The following FMO2 variants were observed in gnomAD, a reference collection of about 807,000 sequenced individuals.
FMO2 encodes flavin containing dimethylaniline monoxygenase 2, also known as flavin-containing monooxygenase 2.
Under a neutral mutation model 41.6 loss-of-function variants are expected in FMO2, and 33 were observed. That is an observed-to-expected ratio of 0.79 (90% CI 0.60 to 1.06). The LOEUF is 1.06. Among genes scored for constraint, FMO2 ranks in the 50% least tolerant of loss-of-function variants. The pLI, the probability that FMO2 is intolerant of heterozygous loss-of-function variation, is 0.00. For missense variants in FMO2, 619 were observed against 632.9 expected (o/e 0.98, Z 0.23); for synonymous variants, 214 against 219.6 (o/e 0.97, Z 0.23).
At position 171,188,030 on chromosome 1, in the gene FMO2, ATTTTTTT is replaced by A. The variant is rs67830022; in HGVS notation, c.132+2203_132+2209del. On this transcript the variant is annotated intron_variant, in intron 2 of 8. Coordinates refer to ENST00000209929, the MANE Select transcript of FMO2 (RefSeq NM_001460.5). ...GGTTCACATGTAGATTTCAGCTGGA[ATTTTTTT>A]TTTTTTTTTTTTTTTTTGCTCCCAG... 0.012 allele frequency among the ~76,000 whole-genome samples: 1,157 copies of A among 97,700 alleles called. 32 individuals are homozygous for A. The East Asian group carries it at 0.17, about 14-fold the overall frequency. 64.1% of individuals were successfully genotyped at this position (97,700 alleles called of 152,430 possible). A position where few individuals can be genotyped will look rare whatever the true frequency, so the allele number is the denominator to read the frequency against.
chr1:171,196,947 A>G, intron 4 of FMO2, 136 bp downstream of exon 4: 1 of 692,682 alleles, frequency 1.4e-6, no homozygotes, highest in Admixed American at 2.8e-5. Flanking sequence ...AGCTAGAAAG[A>G]TGAAAGACAC....
chr1:171,209,053 G>A lies in FMO2; in HGVS notation c.1516G>A (p.Asp506Asn), dbSNP rs1251349278. ...LKPLKTRALK[D>N]SSNFSVSFLL... ...GCCACTCAAGACTCGGGCCCTGAAG[G>A]ATTCATCTAATTTCTCAGTTTCTTT... is the stretch of plus-strand genomic sequence containing the variant. The change falls in exon 9 of 9, where the codon GAT becomes AAT. Residue 506 changes from aspartate to asparagine, a missense_variant. By Grantham distance (23) the Asp-to-Asn change is conservative (BLOSUM62 1). Transcript: ENST00000209929. 4 of 1,167,334 alleles carry A rather than the reference G, an allele frequency of 3.4e-6. No homozygotes were observed. In the African/African-American group the frequency reaches 4.7e-5, roughly 14 times the overall value. 72.3% of individuals were successfully genotyped at this position (1,167,334 alleles called of 1,614,324 possible).
intron 3 of FMO2, among the ~76,000 whole-genome samples, chr1:171,195,647 A>T (rs1202725701): frequency 3.9e-5 from 6 of 152,250 alleles, no homozygotes; most frequent in Admixed American, 1.3e-4. Flanking sequence ...TTTGAGATAT[A>T]TAAAAGACTA....
chr1:171,203,985 A>T lies in FMO2; in HGVS notation c.748A>T (p.Thr250Ser), dbSNP rs926572886. The change falls in exon 6 of 9, where the codon ACA becomes TCA. Residue 250 changes from threonine (T) to serine (S), a missense_variant. Coordinates refer to ENST00000209929, the MANE Select transcript of FMO2 (RefSeq NM_001460.5). ...RSMLRNVLPR[T>S]AVKWMIEQQM... is the part of the protein sequence containing the mutation. ...TATGCTCCGCAATGTACTGCCACGA[A>T]CAGCTGTAAAATGGATGATAGAACA... 4 of 1,612,620 alleles carry T rather than the reference A, an allele frequency of 2.5e-6. No individual in the cohort carries two copies. The highest frequency in any genetic ancestry group is 2.7e-5 in the African/African-American group (2 of 74,854).
chr1:171,186,933 C>T (rs1029580183), intron 2 of FMO2, among the ~76,000 whole-genome samples: 16 of 152,140 alleles, frequency 1.1e-4, no homozygotes, highest in Admixed American at 3.3e-4. Flanking sequence ...TCTCATAGTG[C>T]TATTTTGAAG....
rs1196183212 is a variant in FMO2, at chr1:171,197,773, TAAG to T, written c.484+967_484+969del. ...CACAGGAGTGGAACTGGTGGCTTTA[TAAG>T]AAGAGGAAGAGAGACCTGAGCTAGC... is the stretch of plus-strand genomic sequence containing the variant. On this transcript the variant is annotated intron_variant, in intron 4 of 8. Coordinates refer to ENST00000209929, the MANE Select transcript of FMO2 (RefSeq NM_001460.5). Among the ~76,000 whole-genome samples, 4 of 152,268 alleles carry T rather than the reference TAAG, an allele frequency of 2.6e-5. No homozygotes were observed. In the East Asian group the frequency reaches 7.7e-4, roughly 29 times the overall value.
chr1:171,196,591 C>G, intron 3 of FMO2, 58 bp from the exon 4 acceptor site: 1 of 1,528,642 alleles, frequency 6.5e-7, no homozygotes, highest in Non-Finnish European at 9.0e-7. Flanking sequence ...GAAAGACACA[C>G]TTGGCCAATG....
chr1:171,203,849 T>G lies in FMO2; in HGVS notation c.628-16T>G. 1 of 1,612,404 alleles carries G rather than the reference T, an allele frequency of 6.2e-7. No individual in the cohort carries two copies. The highest frequency in any genetic ancestry group is 1.1e-5 in the South Asian group (1 of 91,000). On this transcript the variant is annotated splice_polypyrimidine_tract_variant and intron_variant, in intron 5 of 8. Coordinates refer to ENST00000209929, the MANE Select transcript of FMO2 (RefSeq NM_001460.5). Reference sequence around the variant, plus strand: ...ACAATGCCCTAATTTAAACTGCATTTCTTTTTGCTTGCCAGGTTTTTATCA... The same window carrying G: ...ACAATGCCCTAATTTAAACTGCATTGCTTTTTGCTTGCCAGGTTTTTATCA...
intron 4 of FMO2, among the ~76,000 whole-genome samples, chr1:171,198,316 A>G (rs1431446555): frequency 6.6e-6 from 1 of 150,782 alleles, no homozygotes; most frequent in African/African-American, 2.4e-5. Context: ...CTTTTTGAAA[A>G]TAAGATTGCT....
At chr1:171,188,030 A>ATTTTTTTTTT (rs67830022) in intron 2 of FMO2, among the ~76,000 whole-genome samples, 1 of 97,692 alleles carries the variant, frequency 1.0e-5, no homozygotes, top group African/African-American at 4.4e-5. Context: ...TTCAGCTGGA[A>ATTTTTTTTTT]TTTTTTTTTT....
At chr1:171,206,796 G>A (rs1468934069) in intron 7 of FMO2, among the ~76,000 whole-genome samples, 1 of 152,208 alleles carries the variant, frequency 6.6e-6, no homozygotes, top group Non-Finnish European at 1.5e-5. Context: ...GGATGAAAGA[G>A]AAAGCTACTG....
chr1:171,195,770 TTAAC>T (rs1207474030), intron 3 of FMO2, among the ~76,000 whole-genome samples: 1 of 150,822 alleles, frequency 6.6e-6, no homozygotes, highest in African/African-American at 2.5e-5. Context: ...ATTTTAAAAA[TTAAC>T]AGACCTCCAG....
intron 2 of FMO2, among the ~76,000 whole-genome samples, chr1:171,187,088 A>G (rs1214413519): frequency 6.6e-6 from 1 of 152,266 alleles, no homozygotes; most frequent in African/African-American, 2.4e-5. Flanking sequence ...CCAGGGCCAC[A>G]CAACTGGAGG....
intron 4 of FMO2, 100 bp from the exon 5 acceptor site, chr1:171,199,245 TA>T: frequency 8.2e-7 from 1 of 1,212,944 alleles, no homozygotes; most frequent in Non-Finnish European, 1.1e-6. Flanking sequence ...CAAAACAAAT[TA>T]TTAACTCCAG....
chr1:171,193,295 A>T, intron 2 of FMO2, 40 bp from the exon 3 acceptor site: 3 of 1,500,612 alleles, frequency 2.0e-6, no homozygotes, highest in Non-Finnish European at 2.7e-6. Context: ...AAAATTTTTG[A>T]ATGCGTAATT....
intron 2 of FMO2, among the ~76,000 whole-genome samples, chr1:171,189,661 T>TTTTTTTC (rs1657999761): frequency 1.6e-5 from 2 of 122,398 alleles, no homozygotes; most frequent in East Asian, 4.2e-4. Flanking sequence ...TTTCTTTTCT[T>TTTTTTTC]TTTTTTTTTT....
chr1:171,185,504 AG>A (rs3215452), intron 1 of FMO2, 145 bp downstream of exon 1: 32,586 of 484,486 alleles, frequency 0.067, 1,434 homozygotes, highest in South Asian at 0.12. Flanking sequence ...GATGTAAGCA[AG>A]GTTTGCAACA....
At chr1:171,199,858 G>A (rs145308875) in intron 5 of FMO2, among the ~76,000 whole-genome samples, 76 of 152,186 alleles carry the variant, frequency 5.0e-4, no homozygotes, top group African/African-American at 1.7e-3. Flanking sequence ...GGGACTACAG[G>A]CACATGCCAC....
Position 171,211,222 on chromosome 1 carries a change from A to G in FMO2, c.*2077A>G, listed in dbSNP as rs1239128111. The G allele has an allele frequency of 5.3e-5, 8 of 152,230 alleles. No homozygotes were observed. The highest frequency in any genetic ancestry group is 1.0e-4 in the Non-Finnish European group (7 of 68,048). The allele number at this position is 152,230 out of a possible 1,614,324, so 9.4% of individuals were successfully genotyped here. ...TATCTGTTTTTGTAAATAAAATTTT[A>G]TAATAGTACACAGCCACACTCATTC... On this transcript the variant is annotated 3_prime_UTR_variant, in exon 9 of 9. Transcript: ENST00000209929.
Sources: allele counts gnomAD v4.1 joint callset (sites outside exome capture counted in the v4.1 genomes callset), GRCh38; gene constraint gnomAD v4.1.1; transcripts MANE v1.5; gene names NCBI Gene and HGNC (gene_info 2026-07-23, HGNC 2026-07-21).